The following FN1 variants were observed in gnomAD, a reference collection of about 807,000 sequenced individuals.
FN1 encodes the protein fibronectin.
A neutral mutation model predicts 297.3 loss-of-function variants in FN1; 106 were observed. The ratio of observed to expected loss-of-function variants is 0.36; its 90% CI spans 0.30 to 0.42. The LOEUF (loss-of-function observed/expected upper bound fraction) is 0.42, where lower values mean the gene tolerates loss of function less well. Ranked by LOEUF, FN1 falls within the 10% of genes least tolerant of loss-of-function variation. The probability of loss-of-function intolerance (pLI) is 1.00; values close to 1 mark genes in which losing one functional copy is unlikely to be tolerated. For missense variants in FN1, 2,690 were observed against 3,124.9 expected (o/e 0.86, Z 3.32); for synonymous variants, 1,149 against 1,152.6 (o/e 1.00, Z 0.06).
chr2:215,392,955 G>C lies in FN1; in HGVS notation c.4045C>G (p.Pro1349Ala). 1.2e-6 allele frequency: 2 copies of C among 1,612,786 alleles called. No homozygotes were observed. Among genetic ancestry groups the C allele is most frequent in the Non-Finnish European group, 1.7e-6 (2 of 1,179,998 alleles). ...CCCGTTTGTTGTGTCAGTGTAGTAG[G>C]GGCACTCTCGCCGCCATTAATGAGA... ...ITLINGGESA[P>A]TTLTQQTAVP... The change falls in exon 25 of 46, where the codon CCT (proline) becomes GCT (alanine). Residue 1349 changes from proline (P) to alanine (A), a missense_variant. Pro to Ala is a conservative substitution (Grantham distance 27). Coordinates refer to ENST00000354785, the MANE Select transcript of FN1 (RefSeq NM_212482.4).
At chr2:215,388,328 A>G in intron 26 of FN1, 27 bp from the exon 27 acceptor site, 2 of 1,519,844 alleles carry the variant, frequency 1.3e-6, no homozygotes, top group Non-Finnish European at 1.8e-6. Context: ...GGCTTATTTT[A>G]AAACTCTGCT....
chr2:215,373,488 G>A (rs1003964036), intron 38 of FN1, 77 bp from the exon 39 acceptor site: 25 of 1,155,046 alleles, frequency 2.2e-5, no homozygotes, highest in Non-Finnish European at 3.1e-5. Context: ...ACCAGCAGAC[G>A]CTACTGGGAG....
Position 215,386,669 on chromosome 2 carries a change from T to A in FN1, c.4612+20A>T. The A allele has an allele frequency of 6.2e-7, 1 of 1,612,036 alleles. No homozygotes were observed. Among genetic ancestry groups the A allele is most frequent in the Non-Finnish European group, 8.5e-7 (1 of 1,178,988 alleles). On this transcript the variant is annotated intron_variant, in intron 28 of 45. Coordinates refer to ENST00000354785, the MANE Select transcript of FN1 (RefSeq NM_212482.4). Reference sequence around the variant, plus strand: ...GGGTAGGAAAGTCTTCTGAGTTTCTTTGCAGACAAGAAAAGTTACCTGTTG... The same window carrying A: ...GGGTAGGAAAGTCTTCTGAGTTTCTATGCAGACAAGAAAAGTTACCTGTTG...
rs576585735 is a variant in FN1 at position 215,365,706 on chromosome 2, C to A, written c.7019-76G>T. 3.6e-5 allele frequency: 52 copies of A among 1,436,856 alleles called. No individual in the cohort carries two copies. The African/African-American group carries it at 6.2e-4, about 17-fold the overall frequency. The allele number at this position is 1,436,856 out of a possible 1,614,324, so 89.0% of individuals were successfully genotyped here. On this transcript the variant is annotated intron_variant, in intron 42 of 45. Transcript: ENST00000354785. ...TCACAAGACAGTAGGTGAACTGGGA[C>A]GTGTCACAGGGTCTTCAGAACCATG...
chr2:215,422,011 A>T, intron 10 of FN1, 80 bp downstream of exon 10: 1 of 1,296,776 alleles, frequency 7.7e-7, no homozygotes, highest in Non-Finnish European at 1.1e-6. Flanking sequence ...CTTTTGGCAT[A>T]GTGCAAGTTT....
Position 215,425,137 on chromosome 2 carries a change from C to T in FN1, c.993G>A (p.Met331Ile). Residue 331 changes from methionine (M) to isoleucine (I), a missense_variant, in exon 7 of 46, where the codon ATG becomes ATA. Physicochemically the swap from Met to Ile is conservative, Grantham distance 10 (BLOSUM62 1). Coordinates refer to ENST00000354785, the MANE Select transcript of FN1 (RefSeq NM_212482.4). ...CTCCGTTGCCCAGGCACGTGCAAAGCATTTGCTTATTTCCTTGTGTCTTCA... is the reference window on the plus strand; with the variant it reads ...CTCCGTTGCCCAGGCACGTGCAAAGTATTTGCTTATTTCCTTGTGTCTTCA... ...QWLKTQGNKQ[M>I]LCTCLGNGVS... is the part of the protein sequence containing the mutation. 1 of 1,614,118 alleles carries T rather than the reference C, an allele frequency of 6.2e-7. No individual in the cohort carries two copies. Among genetic ancestry groups the T allele is most frequent in the East Asian group, 2.2e-5 (1 of 44,850 alleles).
chr2:215,430,764 A>G lies in FN1; in HGVS notation c.636T>C (p.Asp212=). 1 of 1,614,154 alleles carries G rather than the reference A, an allele frequency of 6.2e-7. No homozygotes were observed. Among genetic ancestry groups the G allele is most frequent in the South Asian group, 1.1e-5 (1 of 91,084 alleles). ...EKPYQGWMMV[D]CTCLGEGSGR... ...CGCTGCCTTCTCCCAGGCAAGTACAATCTACCATCATCCAGCCTTGGTAGG... is the reference window on the plus strand; with the variant it reads ...CGCTGCCTTCTCCCAGGCAAGTACAGTCTACCATCATCCAGCCTTGGTAGG... The change falls in exon 5 of 46, where the codon GAT becomes GAC. Residue 212 remains aspartate, a synonymous_variant. Coordinates refer to ENST00000354785, the MANE Select transcript of FN1 (RefSeq NM_212482.4).
chr2:215,374,965 T>A (rs2056999892), intron 38 of FN1, among the ~76,000 whole-genome samples: 1 of 152,232 alleles, frequency 6.6e-6, no homozygotes, highest in Non-Finnish European at 1.5e-5. Flanking sequence ...TCTGGCAAAC[T>A]TGCAGCGAAA....
rs375301501 is a variant in FN1, at chr2:215,393,090, C to T, written c.3910G>A (p.Ala1304Thr). ...TIIGYRITVV[A>T]AGEGIPIFED... ...AAAATAGGGATACCTTCTCCTGCCG[C>T]AACTACTGTGATGCGGTACCCAATA... Residue 1304 changes from alanine to threonine, a missense_variant, in exon 25 of 46, where the codon GCG (alanine) becomes ACG (threonine). By Grantham distance (58) the Ala-to-Thr change is moderately conservative (BLOSUM62 0). This residue lies in a region of FN1 where 1,743 missense variants were observed against 1,945.2 expected (regional missense o/e 0.90). Coordinates refer to ENST00000354785, the MANE Select transcript of FN1 (RefSeq NM_212482.4). 3.8e-5 allele frequency: 61 copies of T among 1,613,980 alleles called. No homozygotes were observed. The Middle Eastern group carries it at 8.2e-4, about 22-fold the overall frequency.
intron 21 of FN1, among the ~76,000 whole-genome samples, chr2:215,398,225 GTTAT>G (rs2060541586): frequency 6.6e-6 from 1 of 152,180 alleles, no homozygotes; most frequent in Admixed American, 6.5e-5. Flanking sequence ...CCTTTAACGA[GTTAT>G]TCACATTCAA....
chr2:215,365,473 T>A (rs2054344696), intron 43 of FN1, 32 bp downstream of exon 43: 7 of 1,610,018 alleles, frequency 4.3e-6, no homozygotes, highest in Non-Finnish European at 6.0e-6. Context: ...GAATGCTTAA[T>A]AAGGCACTAA....
At chr2:215,368,814 T>C (rs2055215895) in intron 41 of FN1, among the ~76,000 whole-genome samples, 1 of 152,172 alleles carries the variant, frequency 6.6e-6, no homozygotes, top group Admixed American at 6.6e-5. Context: ...CCTAAGATCT[T>C]ATCTCTTTAT....
Position 215,436,046 on chromosome 2 carries a change from T to A in FN1, c.-244A>T. 2 of 721,600 alleles carry A rather than the reference T, an allele frequency of 2.8e-6. No individual in the cohort carries two copies. The highest frequency in any genetic ancestry group is 2.1e-6 in the Non-Finnish European group (1 of 484,560). The allele number at this position is 721,600 out of a possible 1,614,324, so 44.7% of individuals were successfully genotyped here. On this transcript the variant is annotated 5_prime_UTR_variant, in exon 1 of 46. Transcript: ENST00000354785. ...CGCCTGGGGTTCCCTCTCCTCCCCC[T>A]GTGCAGCACAGCCGGCGCGGGCGTC...
chr2:215,377,695 A>G (rs1261203861), intron 35 of FN1, among the ~76,000 whole-genome samples: 1 of 151,236 alleles, frequency 6.6e-6, no homozygotes, highest in Non-Finnish European at 1.5e-5. Context: ...AGAATGGCCT[A>G]ATATGCATTG....
Position 215,388,179 on chromosome 2 carries a change from C to T in FN1, c.4342+33G>A, listed in dbSNP as rs578103354. 19 of 1,460,904 alleles carry T rather than the reference C, an allele frequency of 1.3e-5. No homozygotes were observed. The East Asian group carries it at 2.9e-4, about 23-fold the overall frequency. 90.5% of individuals were successfully genotyped at this position (1,460,904 alleles called of 1,614,324 possible). Reference sequence around the variant, plus strand: ...GTTATACAGAATTGATAGGCAAAAGCTACTGGATAGTCATACTGCCAACAC... The same window carrying T: ...GTTATACAGAATTGATAGGCAAAAGTTACTGGATAGTCATACTGCCAACAC... On this transcript the variant is annotated intron_variant, in intron 27 of 45. Coordinates refer to ENST00000354785, the MANE Select transcript of FN1 (RefSeq NM_212482.4).
intron 26 of FN1, among the ~76,000 whole-genome samples, chr2:215,389,820 A>T (rs1283188735): frequency 6.7e-6 from 1 of 149,766 alleles, no homozygotes; most frequent in Non-Finnish European, 1.5e-5. Context: ...CAAAACAAAA[A>T]ACCTAGATGG....
rs1448608623 is a variant in FN1, at chr2:215,386,693, T to A, written c.4608A>T (p.Ser1536=). The A allele has an allele frequency of 1.2e-6, 2 of 1,613,290 alleles. No homozygotes were observed. The highest frequency in any genetic ancestry group is 1.7e-6 in the Non-Finnish European group (2 of 1,179,878). Residue 1536 remains serine (S), a synonymous_variant, in exon 28 of 46, where the codon TCA becomes TCT. Coordinates refer to ENST00000354785, the MANE Select transcript of FN1 (RefSeq NM_212482.4). ...EESPLLIGQQ[S]TVSDVPRDLE... is the part of the protein sequence containing the mutation. ...TTTGCAGACAAGAAAAGTTACCTGTTGATTGTTGGCCAATCAATAAGGGAC... is the reference window on the plus strand; with the variant it reads ...TTTGCAGACAAGAAAAGTTACCTGTAGATTGTTGGCCAATCAATAAGGGAC...
chr2:215,428,749 TG>T (rs1192884587), intron 5 of FN1, among the ~76,000 whole-genome samples: 2 of 152,182 alleles, frequency 1.3e-5, no homozygotes, highest in African/African-American at 4.8e-5. Context: ...CTAAGCGCGG[TG>T]GCTCACGCCT....
intron 38 of FN1, among the ~76,000 whole-genome samples, chr2:215,374,048 A>G (rs879864999): frequency 2.0e-5 from 3 of 152,172 alleles, no homozygotes; most frequent in African/African-American, 7.2e-5. Flanking sequence ...TATCAGCATC[A>G]TATACCACCA....
Sources: gnomAD v4.1 joint callset for allele counts (sites outside exome capture counted in the v4.1 genomes callset) on GRCh38, gnomAD v4.1.1 for gene constraint, gnomAD v4.1.1 regional missense constraint, MANE v1.5 for transcripts, NCBI Gene and HGNC (gene_info 2026-07-23, HGNC 2026-07-21) for gene names.